MCF2L2: variants seen among roughly 807,000 people sequenced by gnomAD.
The protein encoded by MCF2L2 is probable guanine nucleotide exchange factor MCF2L2.
MCF2L2 carries 102 observed loss-of-function variants against 150.2 expected under a neutral mutation model. The ratio of observed to expected loss-of-function variants is 0.68; its 90% CI spans 0.58 to 0.80. The LOEUF is 0.80. MCF2L2 is among the 30% of genes least tolerant of loss of function. The probability of loss-of-function intolerance (pLI) is 0.00; values close to 1 mark genes in which losing one functional copy is unlikely to be tolerated. For synonymous variants in MCF2L2, 465 were observed against 491.3 expected (o/e 0.95, Z 0.71); for missense variants, 1,256 against 1,372.8 (o/e 0.91, Z 1.34).
At chr3:183,407,267 A>G (rs1214239548) in intron 1 of MCF2L2, among the ~76,000 whole-genome samples, 1 of 152,162 alleles carries the variant, frequency 6.6e-6, no homozygotes, top group South Asian at 2.1e-4. Flanking sequence ...TTTGCTTTAA[A>G]GTAAGTTTTA....
intron 3 of MCF2L2, among the ~76,000 whole-genome samples, chr3:183,357,715 G>T (rs1031120942): frequency 1.3e-5 from 2 of 152,098 alleles, no homozygotes; most frequent in African/African-American, 4.8e-5. Flanking sequence ...TAATAAAATG[G>T]CATGTGTACA....
chr3:183,336,987 T>C (rs1730509296), intron 5 of MCF2L2, among the ~76,000 whole-genome samples: 1 of 152,128 alleles, frequency 6.6e-6, no homozygotes, highest in East Asian at 1.9e-4. Context: ...ACAACATAGT[T>C]TTGCCTATTT....
intron 5 of MCF2L2, among the ~76,000 whole-genome samples, chr3:183,326,441 G>A (rs527757947): frequency 7.9e-6 from 1 of 126,238 alleles, no homozygotes; most frequent in Non-Finnish European, 1.6e-5. Flanking sequence ...GCAGTGGGCC[G>A]AGATTACACC....
intron 1 of MCF2L2, among the ~76,000 whole-genome samples, chr3:183,423,810 G>A (rs961691096): frequency 6.6e-6 from 1 of 151,872 alleles, no homozygotes; most frequent in Non-Finnish European, 1.5e-5. Flanking sequence ...GGCTAATTTT[G>A]TATTTTTAGT....
In MCF2L2 at chr3:183,276,974, T is replaced by G; in HGVS notation, c.1777-17A>C. The G allele has an allele frequency of 6.5e-7, 1 of 1,527,402 alleles. No homozygotes were observed. The highest frequency in any genetic ancestry group is 1.9e-4 in the Middle Eastern group (1 of 5,222). The allele number at this position is 1,527,402 out of a possible 1,614,324, so 94.6% of individuals were successfully genotyped here. On this transcript the variant is annotated splice_polypyrimidine_tract_variant and intron_variant, in intron 14 of 29. Coordinates refer to ENST00000328913, the MANE Select transcript of MCF2L2 (RefSeq NM_015078.4). ...TTCTTCACTCTGAAGTGAAAGAAAT[T>G]TTGGTAAGATTTGATATTGTAGGGA...
chr3:183,360,837 C>T (rs1474037571), intron 3 of MCF2L2, among the ~76,000 whole-genome samples: 19 of 151,546 alleles, frequency 1.3e-4, no homozygotes, highest in Admixed American at 1.1e-3. Flanking sequence ...AGTGTGGTGG[C>T]GCATGCTTAT....
chr3:183,214,759 G>C (rs1332759647), intron 22 of MCF2L2, among the ~76,000 whole-genome samples: 1 of 151,776 alleles, frequency 6.6e-6, no homozygotes, highest in Non-Finnish European at 1.5e-5. Flanking sequence ...GGCGGAGATG[G>C]GTGGATCACG....
intron 3 of MCF2L2, among the ~76,000 whole-genome samples, chr3:183,355,357 C>T (rs1004962877): frequency 6.6e-6 from 1 of 151,632 alleles, no homozygotes; most frequent in Admixed American, 6.6e-5. Flanking sequence ...CTCTTAGAGG[C>T]AACTCCAACA....
At chr3:183,260,542 G>C (rs1725487172) in intron 15 of MCF2L2, among the ~76,000 whole-genome samples, 1 of 152,058 alleles carries the variant, frequency 6.6e-6, no homozygotes, top group Admixed American at 6.5e-5. Context: ...TGGTTACTGG[G>C]AATTATTGAG....
At chr3:183,193,187 G>A (rs1721960136) in intron 26 of MCF2L2, 91 bp from the exon 27 acceptor site, 1 of 1,037,224 alleles carries the variant, frequency 9.6e-7, no homozygotes, top group Non-Finnish European at 1.5e-6. Context: ...GGCCCACCTA[G>A]TGTATCTCTG....
intron 15 of MCF2L2, among the ~76,000 whole-genome samples, chr3:183,247,181 A>ACT (rs774974053): frequency 4.6e-5 from 7 of 152,198 alleles, no homozygotes; most frequent in Admixed American, 1.3e-4. Context: ...CTGAGGTCAA[A>ACT]CTGCCTGCAA....
At position 183,330,178 on chromosome 3, in the gene MCF2L2, G is replaced by C. The variant is rs1730209231; in HGVS notation, c.487-6827C>G. ...GAGGATAGCTTGAGCCCCAGAGTCTGAGGTTACACTGAGCCATGATCACAC... is the reference window on the plus strand; with the variant it reads ...GAGGATAGCTTGAGCCCCAGAGTCTCAGGTTACACTGAGCCATGATCACAC... On this transcript the variant is annotated intron_variant, in intron 5 of 29. Transcript: ENST00000328913. 4.1e-5 allele frequency among the ~76,000 whole-genome samples: 6 copies of C among 144,824 alleles called. No individual in the cohort carries two copies. The South Asian group carries it at 1.3e-3, about 32-fold the overall frequency.
chr3:183,183,037 C>A (rs1029756934), intron 27 of MCF2L2, among the ~76,000 whole-genome samples: 3 of 152,178 alleles, frequency 2.0e-5, no homozygotes, highest in African/African-American at 7.2e-5. Context: ...GGCTTGTCAC[C>A]CAGGTTGGAG....
chr3:183,328,611 T>C (rs925552622), intron 5 of MCF2L2, among the ~76,000 whole-genome samples: 8 of 151,744 alleles, frequency 5.3e-5, no homozygotes, highest in Non-Finnish European at 1.0e-4. Context: ...AGGAGAAATA[T>C]TTGGGTTAGG....
intron 13 of MCF2L2, among the ~76,000 whole-genome samples, chr3:183,293,143 G>A (rs1184361491): frequency 6.6e-6 from 1 of 151,930 alleles, no homozygotes; most frequent in Non-Finnish European, 1.5e-5. Context: ...AAAGACAGAA[G>A]AATAGAAAAC....
intron 15 of MCF2L2, among the ~76,000 whole-genome samples, chr3:183,255,875 A>G (rs1412253844): frequency 1.3e-5 from 2 of 152,076 alleles, no homozygotes; most frequent in Non-Finnish European, 2.9e-5. Context: ...ATAATAACTC[A>G]TGGGTTTTGA....
chr3:183,396,672 T>A (rs1037920155), intron 1 of MCF2L2, among the ~76,000 whole-genome samples: 1 of 152,226 alleles, frequency 6.6e-6, no homozygotes, highest in African/African-American at 2.4e-5. Flanking sequence ...TTAATTCACA[T>A]ATCACTGGCC....
chr3:183,406,177 A>G (rs6810144), intron 1 of MCF2L2, among the ~76,000 whole-genome samples: 61,164 of 152,074 alleles, frequency 0.4, 12,473 homozygotes, highest in African/African-American at 0.46. Flanking sequence ...GTTTTCCAAC[A>G]TGGCTGTACC....
intron 3 of MCF2L2, among the ~76,000 whole-genome samples, chr3:183,347,306 A>G (rs1164726898): frequency 6.6e-6 from 1 of 152,220 alleles, no homozygotes; most frequent in African/African-American, 2.4e-5. Context: ...GCAATGGGGA[A>G]AGGATTCCCT....
Sources: allele counts gnomAD v4.1 joint callset (sites outside exome capture counted in the v4.1 genomes callset), GRCh38; gene constraint gnomAD v4.1.1; transcripts MANE v1.5; gene names NCBI Gene and HGNC (gene_info 2026-07-23, HGNC 2026-07-21).